The following ASAP1 variants were observed in gnomAD, a reference collection of about 807,000 sequenced individuals.
ASAP1 encodes ArfGAP with SH3 domain, ankyrin repeat and PH domain 1.
Under a neutral mutation model 145.2 loss-of-function variants are expected in ASAP1, and 43 were observed. The observed-to-expected ratio is 0.30, with a 90% CI of 0.23 to 0.38. The LOEUF (loss-of-function observed/expected upper bound fraction) is 0.38. Among genes scored for constraint, ASAP1 ranks in the 10% least tolerant of loss-of-function variants. The pLI, the probability that ASAP1 is intolerant of heterozygous loss-of-function variation, is 1.00. For missense variants in ASAP1, 1,018 were observed against 1,355.3 expected (o/e 0.75, Z 3.91); for synonymous variants, 546 against 515.5 (o/e 1.06, Z -0.80).
chr8:130,155,948 TC>T, intron 12 of ASAP1, among the ~76,000 whole-genome samples: 1 of 152,334 alleles, frequency 6.6e-6, no homozygotes, highest in South Asian at 2.1e-4. Context: ...TGAGCTTTGA[TC>T]CCAGCGCGAT....
chr8:130,383,677 TTTA>T (rs1357545805), intron 2 of ASAP1, among the ~76,000 whole-genome samples: 1 of 152,124 alleles, frequency 6.6e-6, no homozygotes, highest in African/African-American at 2.4e-5. Context: ...GATAATAATG[TTTA>T]TTATGTTTAT....
intron 3 of ASAP1, among the ~76,000 whole-genome samples, chr8:130,239,724 T>C (rs1818414671): frequency 6.6e-6 from 1 of 152,176 alleles, no homozygotes; most frequent in Admixed American, 6.6e-5. Flanking sequence ...TGAACTGTTT[T>C]TGTGATGTCA....
chr8:130,200,140 T>A (rs1815772589), intron 5 of ASAP1, among the ~76,000 whole-genome samples: 1 of 152,192 alleles, frequency 6.6e-6, no homozygotes, highest in South Asian at 2.1e-4. Flanking sequence ...CATTACAAAC[T>A]GAATTAATGG....
At chr8:130,405,875 A>G (rs1829005602) in intron 1 of ASAP1, among the ~76,000 whole-genome samples, 1 of 152,266 alleles carries the variant, frequency 6.6e-6, no homozygotes, top group African/African-American at 2.4e-5. Flanking sequence ...TAGGTTCATC[A>G]GAAAAAATAT....
intron 3 of ASAP1, among the ~76,000 whole-genome samples, chr8:130,251,743 T>A (rs1819211098): frequency 2.0e-5 from 3 of 152,218 alleles, no homozygotes; most frequent in East Asian, 3.9e-4. Context: ...CAAAAAACAT[T>A]AACACAAGAA....
At chr8:130,246,160 C>T (rs895599707) in intron 3 of ASAP1, among the ~76,000 whole-genome samples, 1 of 150,886 alleles carries the variant, frequency 6.6e-6, no homozygotes, top group African/African-American at 2.4e-5. Context: ...GGTGAAGGGC[C>T]TGCCTACCTC....
chr8:130,131,152 G>GAAAA (rs2097582349), intron 15 of ASAP1, among the ~76,000 whole-genome samples: 1 of 125,772 alleles, frequency 8.0e-6, no homozygotes, highest in Non-Finnish European at 1.7e-5. Flanking sequence ...GCAAGACTCT[G>GAAAA]AAAACAAACA....
intron 2 of ASAP1, among the ~76,000 whole-genome samples, chr8:130,370,129 C>T (rs1827143408): frequency 6.6e-6 from 1 of 152,076 alleles, no homozygotes; most frequent in Admixed American, 6.6e-5. Flanking sequence ...GGCAAAACCC[C>T]GTCTCTACCA....
At chr8:130,197,837 C>T (rs1481518079) in intron 5 of ASAP1, among the ~76,000 whole-genome samples, 1 of 152,156 alleles carries the variant, frequency 6.6e-6, no homozygotes, top group Non-Finnish European at 1.5e-5. Context: ...GATTGAGGCC[C>T]TGAGTTTTGG....
intron 1 of ASAP1, among the ~76,000 whole-genome samples, chr8:130,405,538 C>A (rs1828988396): frequency 6.6e-6 from 1 of 152,198 alleles, no homozygotes; most frequent in South Asian, 2.1e-4. Flanking sequence ...AAGTTCCAGT[C>A]CCAATTCCAC....
intron 3 of ASAP1, among the ~76,000 whole-genome samples, chr8:130,259,477 T>C (rs1489211146): frequency 6.6e-6 from 1 of 152,192 alleles, no homozygotes; most frequent in Non-Finnish European, 1.5e-5. Flanking sequence ...TCTCTCCTGC[T>C]GACTTTGAAG....
chr8:130,169,091 T>A (rs754121812), intron 9 of ASAP1, 24 bp from the exon 10 acceptor site: 6 of 1,374,000 alleles, frequency 4.4e-6, no homozygotes, highest in Admixed American at 2.2e-5. Flanking sequence ...AATCAGAGAT[T>A]TACCACCAGT....
At chr8:130,425,277 AG>A (rs968193420) in intron 1 of ASAP1, among the ~76,000 whole-genome samples, 20 of 152,196 alleles carry the variant, frequency 1.3e-4, no homozygotes, top group East Asian at 7.7e-4. Context: ...GGTTACAGTG[AG>A]GTGAGATTGT....
At chr8:130,300,184 A>C (rs79426037) in intron 3 of ASAP1, among the ~76,000 whole-genome samples, 18,667 of 139,364 alleles carry the variant, frequency 0.13, 1,471 homozygotes, top group South Asian at 0.26. Flanking sequence ...AGAGAGAGAG[A>C]GAGCGAGCGA....
At chr8:130,163,421 C>A (rs2097673724) in intron 11 of ASAP1, among the ~76,000 whole-genome samples, 1 of 152,154 alleles carries the variant, frequency 6.6e-6, no homozygotes, top group Non-Finnish European at 1.5e-5. Flanking sequence ...TGCTTTACAT[C>A]AAACTAATAT....
chr8:130,201,447 G>T (rs1461177275), intron 5 of ASAP1, among the ~76,000 whole-genome samples: 2 of 152,172 alleles, frequency 1.3e-5, no homozygotes, highest in African/African-American at 2.4e-5. Flanking sequence ...GGGAATATGA[G>T]AATTCCTTAA....
chr8:130,206,073 T>C (rs937154437), intron 5 of ASAP1, among the ~76,000 whole-genome samples: 11 of 152,232 alleles, frequency 7.2e-5, no homozygotes, highest in Admixed American at 3.3e-4. Flanking sequence ...ATTTTTTAAA[T>C]AGAAGGAGTT....
At chr8:130,393,126 T>C (rs1828363487) in intron 2 of ASAP1, among the ~76,000 whole-genome samples, 1 of 152,240 alleles carries the variant, frequency 6.6e-6, no homozygotes. Flanking sequence ...CTGCCCCTAA[T>C]TTGTTAACCC....
At chr8:130,088,488 C>T (rs1056206624) in intron 25 of ASAP1, among the ~76,000 whole-genome samples, 4 of 152,014 alleles carry the variant, frequency 2.6e-5, no homozygotes, top group Non-Finnish European at 4.4e-5. Flanking sequence ...CACAGAGAGG[C>T]GGCGGCAGTG....
Sources: allele counts gnomAD v4.1 joint callset (sites outside exome capture counted in the v4.1 genomes callset), GRCh38; gene constraint gnomAD v4.1.1; transcripts MANE v1.5; gene names NCBI Gene and HGNC (gene_info 2026-07-23, HGNC 2026-07-21).